PIGN: variants seen among roughly 807,000 people sequenced by gnomAD.
The protein encoded by PIGN is phosphatidylinositol glycan anchor biosynthesis class N.
In PIGN, 117 loss-of-function variants were observed where a neutral mutation model predicts 125.4. The observed-to-expected ratio is 0.93, with a 90% CI of 0.80 to 1.09. PIGN has a LOEUF of 1.09. PIGN is among the 50% of genes least tolerant of loss of function. PIGN has a pLI of 0.00. For missense variants in PIGN, 1,075 were observed against 1,094.9 expected (o/e 0.98, Z 0.26); for synonymous variants, 392 against 377.8 (o/e 1.04, Z -0.44).
rs189604764 is a variant in PIGN at position 62,177,751 on chromosome 18, T to G, written c.-236+9093A>C. On this transcript the variant is annotated intron_variant, in intron 1 of 30. Transcript: ENST00000640252. ...TATTTTTGCAAAGACTTTATTCCTT[T>G]TGTTTATGGTCATTAAAGTCTCTGT... Among the ~76,000 whole-genome samples the G allele has an allele frequency of 2.5e-4, 38 of 152,370 alleles. 4 individuals are homozygous for G. Among genetic ancestry groups the G allele is most frequent in the South Asian group, 2.5e-3 (12 of 4,832 alleles).
Position 62,154,534 on chromosome 18 carries a change from A to G in PIGN, c.549+11T>C, listed in dbSNP as rs1294730972. 3.9e-6 allele frequency: 5 copies of G among 1,273,964 alleles called. No individual in the cohort carries two copies. The highest frequency in any genetic ancestry group is 3.6e-5 in the South Asian group (3 of 82,324). 78.9% of individuals were successfully genotyped at this position (1,273,964 alleles called of 1,614,324 possible). On this transcript the variant is annotated intron_variant, in intron 7 of 30. Coordinates refer to ENST00000640252, the MANE Select transcript of PIGN (RefSeq NM_176787.5). The stretch of plus-strand genomic sequence containing the variant: ...ATGCTTTTTGTATATTAACCACTCA[A>G]TAGCACAAACCTTAACATTATCAAA...
In PIGN at chr18:62,140,479, C is replaced by G; in HGVS notation, c.964G>C (p.Ala322Pro). 1 of 1,529,986 alleles carries G rather than the reference C, an allele frequency of 6.5e-7. No homozygotes were observed. Among genetic ancestry groups the G allele is most frequent in the Non-Finnish European group, 9.0e-7 (1 of 1,117,056 alleles). The allele number at this position is 1,529,986 out of a possible 1,614,324, so 94.8% of individuals were successfully genotyped here. Residue 322 changes from alanine (A) to proline (P), a missense_variant and splice_region_variant, in exon 12 of 31, where the codon GCT becomes CCT. By Grantham distance (27) the Ala-to-Pro change is conservative (BLOSUM62 -1). Around this residue, in one of 3 missense-constraint regions of PIGN, gnomAD observed 915 missense variants for 908.7 expected, o/e 1.01. Transcript: ENST00000640252. ...ENWKRLDVNQ[A>P]DIAPLMTSLI... The stretch of plus-strand genomic sequence containing the variant: ...GAAGTCATCAATGGTGCAATATCAG[C>G]CTACAAATAAAAAAGCTCAATTCTA...
intron 20 of PIGN, among the ~76,000 whole-genome samples, chr18:62,104,313 G>T (rs1049309856): frequency 5.3e-4 from 80 of 152,052 alleles, no homozygotes; most frequent in Non-Finnish European, 7.5e-4. Flanking sequence ...TTCCCTTTTA[G>T]CATATGATAA....
chr18:62,095,959 A>C lies in PIGN; in HGVS notation c.2078-9T>G. 1 of 1,559,682 alleles carries C rather than the reference A, an allele frequency of 6.4e-7. No individual in the cohort carries two copies. The highest frequency in any genetic ancestry group is 8.8e-7 in the Non-Finnish European group (1 of 1,130,836). ...CACAACCAAGGAAGAGGCTGCAATGAAACAGAACAGGTCATCTGTCAGTAT... is the reference window on the plus strand; with the variant it reads ...CACAACCAAGGAAGAGGCTGCAATGCAACAGAACAGGTCATCTGTCAGTAT... On this transcript the variant is annotated splice_polypyrimidine_tract_variant and intron_variant, in intron 22 of 30. Transcript: ENST00000640252.
At chr18:62,074,367 C>T (rs2033059688) in intron 29 of PIGN, among the ~76,000 whole-genome samples, 2 of 152,182 alleles carry the variant, frequency 1.3e-5, no homozygotes, top group Non-Finnish European at 2.9e-5. Context: ...TAACATCTTC[C>T]CAACAGAAAA....
intron 30 of PIGN, among the ~76,000 whole-genome samples, chr18:62,062,196 C>G (rs2032192952): frequency 6.6e-6 from 1 of 152,176 alleles, no homozygotes; most frequent in Non-Finnish European, 1.5e-5. Flanking sequence ...TGACCCTGCT[C>G]CCCCCACCTG....
intron 1 of PIGN, among the ~76,000 whole-genome samples, chr18:62,186,065 T>C (rs954008227): frequency 9.7e-6 from 1 of 102,844 alleles, no homozygotes; most frequent in African/African-American, 3.5e-5. Context: ...TTTTTTTTTT[T>C]TTTGAGACGG....
chr18:62,131,653 T>C (rs956530243), intron 14 of PIGN, among the ~76,000 whole-genome samples: 3 of 152,170 alleles, frequency 2.0e-5, no homozygotes, highest in Non-Finnish European at 4.4e-5. Flanking sequence ...AAAGAGAAAA[T>C]TTATTTATTT....
At chr18:62,146,053 G>T in intron 9 of PIGN, 28 bp from the exon 10 acceptor site, 1 of 983,458 alleles carries the variant, frequency 1.0e-6, no homozygotes, top group Non-Finnish European at 1.5e-6. Flanking sequence ...AGAATAATAA[G>T]ACAAATATAG....
intron 14 of PIGN, among the ~76,000 whole-genome samples, chr18:62,129,985 T>G (rs1299511138): frequency 6.6e-6 from 1 of 151,946 alleles, no homozygotes; most frequent in African/African-American, 2.4e-5. Context: ...GAGAGGGAGA[T>G]CTGGAGACAG....
chr18:62,088,660 C>T (rs2033821541), intron 25 of PIGN, 96 bp downstream of exon 25: 4 of 718,796 alleles, frequency 5.6e-6, no homozygotes, highest in Non-Finnish European at 4.9e-6. Flanking sequence ...GTACTTAACA[C>T]CACTATTAAG....
intron 14 of PIGN, among the ~76,000 whole-genome samples, chr18:62,119,577 C>T (rs138997196): frequency 8.3e-4 from 126 of 152,138 alleles, no homozygotes; most frequent in Non-Finnish European, 1.3e-3. Flanking sequence ...GGTGCGATGG[C>T]TCACGCCTGT....
At chr18:62,126,533 C>T (rs1174499897) in intron 14 of PIGN, among the ~76,000 whole-genome samples, 1 of 152,086 alleles carries the variant, frequency 6.6e-6, no homozygotes, top group Non-Finnish European at 1.5e-5. Context: ...TTTTTAAAGT[C>T]TCTGCATCCC....
chr18:62,020,283 A>G (rs977582479), intron 23 of PIGN, among the ~76,000 whole-genome samples: 5 of 152,200 alleles, frequency 3.3e-5, no homozygotes, highest in African/African-American at 9.7e-5. Context: ...ATGATCTGTA[A>G]GGAAACGAAC....
intron 26 of PIGN, among the ~76,000 whole-genome samples, 187 bp downstream of exon 26, chr18:62,085,022 C>A (rs941167693): frequency 5.3e-5 from 8 of 151,978 alleles, no homozygotes; most frequent in African/African-American, 1.2e-4. Context: ...GCATGAGAAT[C>A]GCTTGAACCT....
At position 62,161,196 on chromosome 18, in the gene PIGN, C is replaced by T; in HGVS notation, c.158G>A (p.Gly53Asp). Residue 53 changes from glycine (G) to aspartate (D), a missense_variant, in exon 4 of 31, where the codon GGC (glycine) becomes GAC (aspartate). By Grantham distance (94) the Gly-to-Asp change is moderately conservative. Transcript: ENST00000640252. ...ARRLVLFVADGLRADALYELD... is the reference protein window; with the variant it reads ...ARRLVLFVADDLRADALYELD... ...TTCGTAAAGTGCATCTGCTCGAAGG[C>T]CATCAGCAACAAACAACACTAATCT... is the stretch of plus-strand genomic sequence containing the variant. 6.2e-7 allele frequency: 1 copy of T among 1,613,806 alleles called. No homozygotes were observed. Among genetic ancestry groups the T allele is most frequent in the Non-Finnish European group, 8.5e-7 (1 of 1,179,778 alleles).
intron 16 of PIGN, among the ~76,000 whole-genome samples, chr18:62,111,132 G>C (rs2063002846): frequency 6.6e-6 from 1 of 151,782 alleles, no homozygotes; most frequent in Non-Finnish European, 1.5e-5. Context: ...AGAAAATATG[G>C]GTTCTGTCAT....
At position 62,128,829 on chromosome 18, in the gene PIGN, AT is replaced by A. The variant is rs761890725; in HGVS notation, c.1172+9413del. Among the ~76,000 whole-genome samples the A allele has an allele frequency of 2.6e-5, 4 of 152,266 alleles. No individual in the cohort carries two copies. In the South Asian group the frequency reaches 8.3e-4, roughly 32 times the overall value. ...TTAGCTAAAATACATTTTCTTTAAT[AT>A]ATTTAACATGAAAAATGTAAGGCAA... On this transcript the variant is annotated intron_variant, in intron 14 of 30. Coordinates refer to ENST00000640252, the MANE Select transcript of PIGN (RefSeq NM_176787.5).
rs976452920 is a variant in PIGN, at chr18:62,105,459, C to G, written c.1859+84G>C. On this transcript the variant is annotated intron_variant, in intron 20 of 30. Transcript: ENST00000640252. ...AGTTCACATGATTTTATATTCTTGA[C>G]CAAGATTAGGTTCAAATTTTACAGT... 1.1e-5 allele frequency: 8 copies of G among 755,794 alleles called. No homozygotes were observed. The African/African-American group carries it at 1.1e-4, about 10-fold the overall frequency. The allele number at this position is 755,794 out of a possible 1,614,324, so 46.8% of individuals were successfully genotyped here. A position where few individuals can be genotyped will look rare whatever the true frequency, so the allele number is the denominator to read the frequency against.
Sources: allele counts gnomAD v4.1 joint callset (sites outside exome capture counted in the v4.1 genomes callset), GRCh38; gene constraint gnomAD v4.1.1; regional missense constraint gnomAD v4.1.1; transcripts MANE v1.5; gene names NCBI Gene and HGNC (gene_info 2026-07-23, HGNC 2026-07-21).